POLN: variants seen among roughly 807,000 people sequenced by gnomAD.
The protein encoded by POLN is DNA polymerase nu.
Under a neutral mutation model 113.5 loss-of-function variants are expected in POLN, and 108 were observed. The ratio of observed to expected loss-of-function variants is 0.95; its 90% CI spans 0.81 to 1.12. POLN has a LOEUF of 1.12. Ranked by LOEUF, POLN falls within the 50% of genes most tolerant of loss-of-function variation. The probability of loss-of-function intolerance (pLI) is 0.00; values close to 1 mark genes in which losing one functional copy is unlikely to be tolerated. For synonymous variants in POLN, 386 were observed against 391.5 expected (o/e 0.99, Z 0.17); for missense variants, 1,097 against 1,077.1 (o/e 1.02, Z -0.26).
chr4:2,226,489 T>G (rs1734396831), intron 3 of POLN, among the ~76,000 whole-genome samples: 1 of 152,208 alleles, frequency 6.6e-6, no homozygotes, highest in Non-Finnish European at 1.5e-5. Context: ...GAAGTAAATT[T>G]TGAGGTGTTG....
intron 7 of POLN, among the ~76,000 whole-genome samples, chr4:2,184,785 T>C (rs959541292): frequency 6.6e-5 from 10 of 152,208 alleles, no homozygotes; most frequent in African/African-American, 2.4e-4. Flanking sequence ...CCCAGATTAC[T>C]AGGTTTGTAT....
intron 16 of POLN, among the ~76,000 whole-genome samples, chr4:2,138,940 CTTT>C (rs112436211): frequency 6.9e-6 from 1 of 144,422 alleles, no homozygotes; most frequent in African/African-American, 2.5e-5. Context: ...ATCACTGTGC[CTTT>C]TTTTTTTTTC....
intron 4 of POLN, among the ~76,000 whole-genome samples, chr4:2,208,763 G>A (rs1353346424): frequency 1.3e-5 from 2 of 152,170 alleles, no homozygotes; most frequent in African/African-American, 4.8e-5. Context: ...GCCGAGGTGG[G>A]TGGATCACTT....
chr4:2,228,899 G>C, intron 3 of POLN, 200 bp downstream of exon 3: 3 of 442,490 alleles, frequency 6.8e-6, no homozygotes, highest in East Asian at 3.6e-5. Context: ...ATAAGGAAGA[G>C]AGTGTTACAT....
chr4:2,142,758 A>T (rs1325857102), intron 16 of POLN, among the ~76,000 whole-genome samples: 1 of 152,196 alleles, frequency 6.6e-6, no homozygotes, highest in African/African-American at 2.4e-5. Flanking sequence ...CGAGAAAGAA[A>T]ACCTTTAGAC....
At chr4:2,236,169 A>G (rs1327940792) in intron 2 of POLN, 1 of 999,346 alleles carries the variant, frequency 1.0e-6, no homozygotes, top group African/African-American at 1.6e-5. Flanking sequence ...TTTCTTTAAT[A>G]TCTTTTACAA....
intron 2 of POLN, among the ~76,000 whole-genome samples, chr4:2,233,425 A>G (rs59900510): frequency 0.022 from 3,154 of 146,048 alleles, 106 homozygotes; most frequent in African/African-American, 0.08. Context: ...TATTTTAGTG[A>G]TTCTTGGATG....
At chr4:2,161,398 G>C (rs1372823837) in intron 13 of POLN, among the ~76,000 whole-genome samples, 12 of 152,254 alleles carry the variant, frequency 7.9e-5, no homozygotes, top group Admixed American at 7.8e-4. Flanking sequence ...GGGCAATGAG[G>C]GGCTTAGCAC....
intron 9 of POLN, among the ~76,000 whole-genome samples, chr4:2,175,219 C>A (rs1406817790): frequency 6.6e-6 from 1 of 152,084 alleles, no homozygotes; most frequent in Non-Finnish European, 1.5e-5. Flanking sequence ...ACTTGCTCTT[C>A]CTAATGAACT....
chr4:2,087,105 G>C (rs527857893), intron 20 of POLN, among the ~76,000 whole-genome samples: 1 of 152,148 alleles, frequency 6.6e-6, no homozygotes. Flanking sequence ...GAAGGTCTAG[G>C]GTGCCCTGTT....
At chr4:2,198,810 G>T (rs1577764144) in intron 5 of POLN, 93 bp from the exon 6 acceptor site, 2 of 1,204,926 alleles carry the variant, frequency 1.7e-6, no homozygotes, top group East Asian at 2.6e-5. Flanking sequence ...AAAGAGAAAA[G>T]GCCTAAAATT....
intron 7 of POLN, among the ~76,000 whole-genome samples, chr4:2,189,090 C>A (rs1465686517): frequency 1.3e-5 from 2 of 151,954 alleles, no homozygotes; most frequent in African/African-American, 4.8e-5. Context: ...TACACACACA[C>A]ACAAAAAGCT....
intron 6 of POLN, 145 bp from the exon 7 acceptor site, chr4:2,193,461 T>C: frequency 3.4e-6 from 2 of 584,802 alleles, no homozygotes; most frequent in South Asian, 4.6e-5. Flanking sequence ...GTCACTGTTA[T>C]TTATCATCTG....
intron 21 of POLN, among the ~76,000 whole-genome samples, chr4:2,084,574 G>A (rs1025559687): frequency 3.3e-5 from 5 of 152,240 alleles, no homozygotes; most frequent in South Asian, 2.1e-4. Context: ...CCACCTGCCC[G>A]TCTGCTGTGA....
intron 21 of POLN, 61 bp downstream of exon 21, chr4:2,085,552 C>T: frequency 1.3e-6 from 2 of 1,598,434 alleles, no homozygotes; most frequent in Non-Finnish European, 1.7e-6. Context: ...ACGCAGCTGT[C>T]CCCCCATCCT....
intron 14 of POLN, among the ~76,000 whole-genome samples, chr4:2,158,799 C>T (rs556922719): frequency 1.3e-5 from 2 of 152,300 alleles, no homozygotes; most frequent in South Asian, 2.1e-4. Flanking sequence ...ACGGTATGGT[C>T]TTGGCAGACC....
At chr4:2,113,805 C>G (rs1731253923) in intron 19 of POLN, among the ~76,000 whole-genome samples, 1 of 151,170 alleles carries the variant, frequency 6.6e-6, no homozygotes, top group African/African-American at 2.4e-5. Context: ...TTGCAGTGAG[C>G]TGAGATTGTG....
At chr4:2,125,151 G>A (rs1209706434) in intron 19 of POLN, among the ~76,000 whole-genome samples, 1 of 152,234 alleles carries the variant, frequency 6.6e-6, no homozygotes, top group Admixed American at 6.5e-5. Flanking sequence ...GAACATGGAT[G>A]AAGGCTGCCA....
chr4:2,104,125 G>C (rs1409430761), intron 19 of POLN, among the ~76,000 whole-genome samples: 1 of 152,150 alleles, frequency 6.6e-6, no homozygotes, highest in Non-Finnish European at 1.5e-5. Context: ...GACAAACAGA[G>C]AAAATGAAAG....
Sources: allele counts gnomAD v4.1 joint callset (sites outside exome capture counted in the v4.1 genomes callset), GRCh38; gene constraint gnomAD v4.1.1; transcripts MANE v1.5; gene names NCBI Gene and HGNC (gene_info 2026-07-23, HGNC 2026-07-21).